Variants in AP4E1 observed in about 807,000 individuals in gnomAD.
AP4E1 encodes adaptor related protein complex 4 subunit epsilon 1, also known as AP-4 complex subunit epsilon-1.
In AP4E1, 56 loss-of-function variants were observed where a neutral mutation model predicts 128.2. The observed-to-expected ratio is 0.44, with a 90% CI of 0.35 to 0.55. The LOEUF is 0.55. Ranked by LOEUF, AP4E1 falls within the 20% of genes least tolerant of loss-of-function variation. The pLI is 0.00. For missense variants in AP4E1, 1,324 were observed against 1,307.7 expected (o/e 1.01, Z -0.19); for synonymous variants, 484 against 473.1 (o/e 1.02, Z -0.30).
chr15:51,002,556 A>G lies in AP4E1; in HGVS notation c.3308A>G (p.His1103Arg). The change falls in exon 21 of 21, where the codon CAT (histidine) becomes CGT (arginine). Residue 1103 changes from histidine to arginine, a missense_variant. Coordinates refer to ENST00000261842, the MANE Select transcript of AP4E1 (RefSeq NM_007347.5). ...CTCCCATCCATCCCCTGCTTACTGCATTGCCGAGTTCATGCAGATGTATTA... is the reference window on the plus strand; with the variant it reads ...CTCCCATCCATCCCCTGCTTACTGCGTTGCCGAGTTCATGCAGATGTATTA... The part of the protein sequence containing the change: ...QLLPSIPCLL[H>R]CRVHADVLAL... 6.2e-7 allele frequency: 1 copy of G among 1,614,162 alleles called. No individual in the cohort carries two copies. The highest frequency in any genetic ancestry group is 8.5e-7 in the Non-Finnish European group (1 of 1,180,018).
At chr15:50,990,812 G>A (rs1016674441) in intron 16 of AP4E1, among the ~76,000 whole-genome samples, 2 of 152,104 alleles carry the variant, frequency 1.3e-5, no homozygotes, top group Non-Finnish European at 2.9e-5. Context: ...GCTCCTTTTA[G>A]GCTCCTTTTG....
chr15:50,970,972 G>C (rs1369870762), intron 15 of AP4E1, among the ~76,000 whole-genome samples: 2 of 152,068 alleles, frequency 1.3e-5, no homozygotes, highest in African/African-American at 4.8e-5. Context: ...TATTTTTGTA[G>C]TTGGGTGCTT....
chr15:50,992,349 C>T (rs748541828), intron 16 of AP4E1, among the ~76,000 whole-genome samples: 11 of 152,044 alleles, frequency 7.2e-5, no homozygotes, highest in African/African-American at 1.4e-4. Context: ...GAGTCAGTGC[C>T]CCAACCCTCT....
In AP4E1 at chr15:50,929,813, C is replaced by G. The variant is rs577769125; in HGVS notation, c.702+645C>G. ...AAATAGTACAGTTTAAATAAATGTT[C>G]AATATTAAATTTTATTTTTTCCTTA... On this transcript the variant is annotated intron_variant, in intron 6 of 20. Transcript: ENST00000261842. Among the ~76,000 whole-genome samples the G allele has an allele frequency of 1.3e-4, 20 of 151,920 alleles. 1 individual carries two copies. The South Asian group carries it at 3.7e-3, about 28-fold the overall frequency.
At chr15:50,960,741 C>A (rs2064301420) in intron 14 of AP4E1, among the ~76,000 whole-genome samples, 1 of 150,634 alleles carries the variant, frequency 6.6e-6, no homozygotes, top group Non-Finnish European at 1.5e-5. Flanking sequence ...AAGAACAAAC[C>A]AAACTCAACA....
chr15:50,930,363 G>A (rs976469457), intron 6 of AP4E1, among the ~76,000 whole-genome samples: 7 of 148,242 alleles, frequency 4.7e-5, no homozygotes, highest in African/African-American at 1.5e-4. Context: ...CACTGTGCCC[G>A]GCCCCAGAAT....
chr15:50,955,877 C>T (rs1466305386), intron 13 of AP4E1, among the ~76,000 whole-genome samples: 1 of 152,224 alleles, frequency 6.6e-6, no homozygotes, highest in East Asian at 1.9e-4. Flanking sequence ...ATTCTCCACT[C>T]TGCCTTTGCT....
intron 3 of AP4E1, among the ~76,000 whole-genome samples, chr15:50,922,768 C>T (rs2063722002): frequency 1.3e-5 from 2 of 149,572 alleles, no homozygotes; most frequent in Admixed American, 6.7e-5. Context: ...GAGAAATTGC[C>T]TTTTTTTGGG....
At chr15:50,973,931 C>T (rs914134657) in intron 15 of AP4E1, among the ~76,000 whole-genome samples, 2 of 152,068 alleles carry the variant, frequency 1.3e-5, no homozygotes, top group African/African-American at 2.4e-5. Context: ...GATAAATACC[C>T]ACCCGGAAGT....
chr15:50,968,288 A>G lies in AP4E1; in HGVS notation c.1877A>G (p.Asp626Gly). The G allele has an allele frequency of 6.2e-7, 1 of 1,613,274 alleles. No individual in the cohort carries two copies. The highest frequency in any genetic ancestry group is 8.5e-7 in the Non-Finnish European group (1 of 1,179,636). The change falls in exon 15 of 21, where the codon GAT (aspartate) becomes GGT (glycine). Residue 626 changes from aspartate to glycine, a missense_variant. Transcript: ENST00000261842. Reference protein sequence around the residue: ...LVVDASLSFLDGFVAEGLSQG... With the variant: ...LVVDASLSFLGGFVAEGLSQG... Reference sequence around the variant, plus strand: ...GTAGATGCTTCTTTATCTTTTCTGGATGGTTTTGTGGCTGAAGGACTCAGT... The same window carrying G: ...GTAGATGCTTCTTTATCTTTTCTGGGTGGTTTTGTGGCTGAAGGACTCAGT...
At chr15:50,915,893 T>A in intron 3 of AP4E1, 1 of 256,450 alleles carries the variant, frequency 3.9e-6, no homozygotes, top group South Asian at 4.9e-5. Context: ...TAAAGCTGAC[T>A]TTTTTGTATA....
At chr15:50,928,402 C>G (rs114255592) in intron 5 of AP4E1, among the ~76,000 whole-genome samples, 2,229 of 152,198 alleles carry the variant, frequency 0.015, 70 homozygotes, top group African/African-American at 0.052. Flanking sequence ...ATTCTTGTGC[C>G]TCAGCCACCC....
At chr15:50,935,828 A>G (rs2063901517) in intron 8 of AP4E1, among the ~76,000 whole-genome samples, 1 of 152,220 alleles carries the variant, frequency 6.6e-6, no homozygotes, top group South Asian at 2.1e-4. Flanking sequence ...AGGAAAAAGG[A>G]TTGTGTGTAT....
At chr15:50,941,605 C>A (rs2063989738) in intron 9 of AP4E1, 41 bp downstream of exon 9, 2 of 1,612,100 alleles carry the variant, frequency 1.2e-6, no homozygotes, top group Non-Finnish European at 1.7e-6. Flanking sequence ...ACAGAGATAG[C>A]TTTTGAAATT....
chr15:50,993,329 A>C, intron 16 of AP4E1, 41 bp from the exon 17 acceptor site: 1 of 1,609,108 alleles, frequency 6.2e-7, no homozygotes, highest in Non-Finnish European at 8.5e-7. Flanking sequence ...AACTATTAGC[A>C]GTTATTTAAG....
intron 10 of AP4E1, chr15:50,945,790 T>C: frequency 2.6e-6 from 2 of 761,390 alleles, no homozygotes; most frequent in African/African-American, 3.5e-5. Flanking sequence ...TAACTAGAAA[T>C]TGAAGGAGAA....
chr15:50,965,931 T>A (rs1321963365), intron 14 of AP4E1, among the ~76,000 whole-genome samples: 2 of 152,170 alleles, frequency 1.3e-5, no homozygotes, highest in Non-Finnish European at 2.9e-5. Flanking sequence ...TTTCTTTTTT[T>A]TTTTGAGACG....
intron 15 of AP4E1, among the ~76,000 whole-genome samples, 157 bp downstream of exon 15, chr15:50,968,534 A>G (rs1020954404): frequency 2.0e-5 from 3 of 152,176 alleles, no homozygotes; most frequent in African/African-American, 7.2e-5. Context: ...TCAGATATCC[A>G]GAGGAAAAAA....
At position 50,958,548 on chromosome 15, in the gene AP4E1, T is replaced by C; in HGVS notation, c.1605T>C (p.Ala535=). ...LDKETPEEVI[A]KLYKLLMNDS... ...AGGAAACGCCAGAGGAAGTTATAGC[T>C]AAGCTCTACAAGTTACTTATGAATG... Residue 535 remains alanine (A), a synonymous_variant, in exon 14 of 21, where the codon GCT becomes GCC. Coordinates refer to ENST00000261842, the MANE Select transcript of AP4E1 (RefSeq NM_007347.5). 1 of 1,614,008 alleles carries C rather than the reference T, an allele frequency of 6.2e-7. No individual in the cohort carries two copies. Among genetic ancestry groups the C allele is most frequent in the Non-Finnish European group, 8.5e-7 (1 of 1,179,972 alleles).
Sources: allele counts gnomAD v4.1 joint callset (sites outside exome capture counted in the v4.1 genomes callset), GRCh38; gene constraint gnomAD v4.1.1; transcripts MANE v1.5; gene names NCBI Gene and HGNC (gene_info 2026-07-23, HGNC 2026-07-21).